Variants in UGGT2 observed in about 807,000 individuals in gnomAD.
The protein encoded by UGGT2 is UDP-glucose glycoprotein glucosyltransferase 2.
UGGT2 carries 180 observed loss-of-function variants against 192.1 expected under a neutral mutation model. The ratio of observed to expected loss-of-function variants is 0.94; its 90% CI spans 0.83 to 1.06. UGGT2 has a LOEUF of 1.06. Among genes scored for constraint, UGGT2 ranks in the 50% least tolerant of loss-of-function variants. The pLI, the probability that UGGT2 is intolerant of heterozygous loss-of-function variation, is 0.00. For missense variants in UGGT2, 1,849 were observed against 1,795.7 expected (o/e 1.03, Z -0.54); for synonymous variants, 580 against 591.0 (o/e 0.98, Z 0.27).
At chr13:95,965,758 TAAAG>T (rs1398766631) in intron 12 of UGGT2, among the ~76,000 whole-genome samples, 2 of 151,864 alleles carry the variant, frequency 1.3e-5, no homozygotes, top group Middle Eastern at 3.4e-3. Context: ...ATGAAAAAAA[TAAAG>T]AAATTATACA....
chr13:95,905,531 C>A (rs1175649191), intron 20 of UGGT2, among the ~76,000 whole-genome samples: 4 of 151,696 alleles, frequency 2.6e-5, no homozygotes, highest in South Asian at 2.1e-4. Context: ...CCAGTTTTCC[C>A]AGCACCATTT....
rs1162055258 is a variant in UGGT2 at position 95,959,382 on chromosome 13, T to C, written c.1336-9928A>G. Among the ~76,000 whole-genome samples the C allele has an allele frequency of 2.0e-5, 3 of 152,262 alleles. No individual in the cohort carries two copies. In the East Asian group the frequency reaches 5.8e-4, roughly 29 times the overall value. On this transcript the variant is annotated intron_variant, in intron 12 of 38. Coordinates refer to ENST00000376747, the MANE Select transcript of UGGT2 (RefSeq NM_020121.4). ...GCAGCACAGCTGCTGCTGCTGCCTC[T>C]ACCTGAGCATCCACCTATGGCCGGT...
chr13:95,819,880 G>A (rs1169759995), intron 38 of UGGT2, among the ~76,000 whole-genome samples: 6 of 152,110 alleles, frequency 3.9e-5, no homozygotes, highest in Admixed American at 1.3e-4. Context: ...GAAATAGGCC[G>A]GATGTGGTGG....
In UGGT2 at chr13:96,000,965, A is replaced by G. The variant is rs573304428; in HGVS notation, c.661-1658T>C. On this transcript the variant is annotated intron_variant, in intron 5 of 38. Transcript: ENST00000376747. ...TTTATTAGAATTACATGTTGACTAG[A>G]TTTACATTATAGTTATTTTGAACAT... Among the ~76,000 whole-genome samples, 165 of 152,300 alleles carry G rather than the reference A, an allele frequency of 1.1e-3. 2 individuals carry two copies. Among genetic ancestry groups the G allele is most frequent in the Middle Eastern group, 6.8e-3 (2 of 294 alleles).
intron 10 of UGGT2, 70 bp downstream of exon 10, chr13:95,983,734 A>G (rs1006487647): frequency 8.7e-7 from 1 of 1,151,430 alleles, no homozygotes; most frequent in African/African-American, 1.6e-5. Flanking sequence ...TTGTATGAAT[A>G]TTGAAGATCC....
At chr13:95,934,802 T>C (rs1314810664) in intron 17 of UGGT2, among the ~76,000 whole-genome samples, 1 of 152,176 alleles carries the variant, frequency 6.6e-6, no homozygotes, top group Admixed American at 6.5e-5. Flanking sequence ...AACCACCATT[T>C]CTGGCCTAAA....
At chr13:95,846,686 C>T (rs919230019) in intron 36 of UGGT2, among the ~76,000 whole-genome samples, 8 of 152,164 alleles carry the variant, frequency 5.3e-5, no homozygotes, top group Admixed American at 2.6e-4. Flanking sequence ...GAATTCACTA[C>T]TGAAGCTATC....
At position 96,022,782 on chromosome 13, in the gene UGGT2, C is replaced by T. The variant is rs530499567; in HGVS notation, c.485+258G>A. ...TATAGGCCAAATAAACTCAGTTTTG[C>T]ATGTTTATTTCAAAAAACAAGTTAT... On this transcript the variant is annotated intron_variant, in intron 4 of 38. Transcript: ENST00000376747. Among the ~76,000 whole-genome samples the T allele has an allele frequency of 5.3e-5, 8 of 151,958 alleles. No homozygotes were observed. In the East Asian group the frequency reaches 1.5e-3, roughly 29 times the overall value.
intron 38 of UGGT2, among the ~76,000 whole-genome samples, chr13:95,822,451 T>C (rs956006019): frequency 6.6e-6 from 1 of 152,084 alleles, no homozygotes; most frequent in African/African-American, 2.4e-5. Flanking sequence ...GATAAGTCTT[T>C]AGGGTTTTCT....
chr13:95,837,762 GT>G (rs1887466518), intron 36 of UGGT2, among the ~76,000 whole-genome samples: 1 of 152,192 alleles, frequency 6.6e-6, no homozygotes, highest in Non-Finnish European at 1.5e-5. Context: ...AGAGATATTT[GT>G]TTATATTCCA....
intron 20 of UGGT2, among the ~76,000 whole-genome samples, chr13:95,912,320 T>C (rs2048528239): frequency 1.3e-5 from 2 of 152,316 alleles, no homozygotes; most frequent in East Asian, 1.9e-4. Flanking sequence ...GATGACATGA[T>C]TGTATATTTA....
chr13:96,045,382 C>T (rs1159152093), intron 1 of UGGT2, among the ~76,000 whole-genome samples: 2 of 152,260 alleles, frequency 1.3e-5, no homozygotes, highest in African/African-American at 2.4e-5. Flanking sequence ...CAACATAATA[C>T]TGAATGGGGA....
rs558777512 is a variant in UGGT2, at chr13:95,829,705, T to C, written c.4528+3222A>G. Among the ~76,000 whole-genome samples the C allele has an allele frequency of 3.9e-5, 6 of 152,302 alleles. No individual in the cohort carries two copies. In the East Asian group the frequency reaches 5.8e-4, roughly 15 times the overall value. Reference sequence around the variant, plus strand: ...CAAATGGAAGAACATTCCATGCTCATGGACAGGAAGAATCAGTATTGTGAA... The same window carrying C: ...CAAATGGAAGAACATTCCATGCTCACGGACAGGAAGAATCAGTATTGTGAA... On this transcript the variant is annotated intron_variant, in intron 38 of 38. Coordinates refer to ENST00000376747, the MANE Select transcript of UGGT2 (RefSeq NM_020121.4).
Position 95,972,682 on chromosome 13 carries a change from A to G in UGGT2, c.1093-11T>C. On this transcript the variant is annotated splice_polypyrimidine_tract_variant and intron_variant, in intron 10 of 38. Coordinates refer to ENST00000376747, the MANE Select transcript of UGGT2 (RefSeq NM_020121.4). Reference sequence around the variant, plus strand: ...TCTAACTTGAAGATCCTTGAAGTAGAGCAAAGCAATAGTTAACCAGTGATA... The same window carrying G: ...TCTAACTTGAAGATCCTTGAAGTAGGGCAAAGCAATAGTTAACCAGTGATA... The G allele has an allele frequency of 6.2e-7, 1 of 1,601,738 alleles. No homozygotes were observed. Among genetic ancestry groups the G allele is most frequent in the Non-Finnish European group, 8.6e-7 (1 of 1,169,296 alleles).
chr13:95,866,464 T>A (rs1284451902), intron 30 of UGGT2, among the ~76,000 whole-genome samples: 1 of 152,154 alleles, frequency 6.6e-6, no homozygotes, highest in Non-Finnish European at 1.5e-5. Flanking sequence ...ATTCCAGAGA[T>A]TTATGGATGT....
intron 15 of UGGT2, among the ~76,000 whole-genome samples, chr13:95,944,281 T>C (rs1379416271): frequency 6.6e-6 from 1 of 152,076 alleles, no homozygotes; most frequent in Non-Finnish European, 1.5e-5. Context: ...ATATTTCCTC[T>C]TTTTCTATTC....
intron 33 of UGGT2, among the ~76,000 whole-genome samples, chr13:95,857,727 G>T (rs1245176394): frequency 5.3e-5 from 8 of 152,072 alleles, no homozygotes; most frequent in African/African-American, 1.9e-4. Context: ...AATTTTGAAT[G>T]AAAGAAACAC....
rs770023049 is a variant in UGGT2, at chr13:95,963,936, T to C, written c.1335+6176A>G. Among the ~76,000 whole-genome samples the C allele has an allele frequency of 9.2e-5, 14 of 152,266 alleles. No individual in the cohort carries two copies. The Middle Eastern group carries it at 0.01, about 111-fold the overall frequency. Reference sequence around the variant, plus strand: ...TGATGATACTGCCCAAAGCAATCTATAGATTCAATGCAATCTCTATTAAGA... The same window carrying C: ...TGATGATACTGCCCAAAGCAATCTACAGATTCAATGCAATCTCTATTAAGA... On this transcript the variant is annotated intron_variant, in intron 12 of 38. Coordinates refer to ENST00000376747, the MANE Select transcript of UGGT2 (RefSeq NM_020121.4).
chr13:95,918,393 A>G (rs1448391999), intron 20 of UGGT2, among the ~76,000 whole-genome samples: 1 of 152,190 alleles, frequency 6.6e-6, no homozygotes, highest in East Asian at 1.9e-4. Flanking sequence ...TTAATAAAAA[A>G]ATTTATAGCA....
Sources: allele counts gnomAD v4.1 joint callset (sites outside exome capture counted in the v4.1 genomes callset), GRCh38; gene constraint gnomAD v4.1.1; transcripts MANE v1.5; gene names NCBI Gene and HGNC (gene_info 2026-07-23, HGNC 2026-07-21).